Variants in AUTS2 observed in about 807,000 individuals in gnomAD.
AUTS2 encodes the protein autism susceptibility gene 2 protein.
A neutral mutation model predicts 112.4 loss-of-function variants in AUTS2; 17 were observed. The ratio of observed to expected loss-of-function variants is 0.15; its 90% CI spans 0.10 to 0.23. The LOEUF is 0.23. AUTS2 is among the 10% of genes least tolerant of loss of function. AUTS2 has a pLI of 1.00. For synonymous variants in AUTS2, 751 were observed against 702.7 expected, an observed-to-expected ratio of 1.07 and a Z score of -1.09; for missense variants, 1,510 against 1,701.6, an observed-to-expected ratio of 0.89 and a Z score of 1.98.
At chr7:70,740,011 A>G (rs1269083562) in intron 6 of AUTS2, among the ~76,000 whole-genome samples, 1 of 151,966 alleles carries the variant, frequency 6.6e-6, no homozygotes, top group East Asian at 1.9e-4. Flanking sequence ...GAGTTTGTTC[A>G]TCATCCTTTG....
intron 4 of AUTS2, among the ~76,000 whole-genome samples, chr7:70,272,062 G>A (rs1787719429): frequency 6.6e-6 from 1 of 152,116 alleles, no homozygotes; most frequent in South Asian, 2.1e-4. Flanking sequence ...TGAGGATGCC[G>A]GCTCAAAGAG....
chr7:69,719,814 A>G (rs1798821255), intron 1 of AUTS2, among the ~76,000 whole-genome samples: 1 of 152,140 alleles, frequency 6.6e-6, no homozygotes, highest in Admixed American at 6.6e-5. Context: ...GCTGTTAATC[A>G]TAGGGGGAAG....
At chr7:70,011,298 C>T (rs1424216630) in intron 2 of AUTS2, among the ~76,000 whole-genome samples, 1 of 150,156 alleles carries the variant, frequency 6.7e-6, no homozygotes, top group South Asian at 2.1e-4. Flanking sequence ...CTAGCCTCAC[C>T]TCTCCTCTCC....
At chr7:70,567,483 G>T (rs1405789020) in intron 5 of AUTS2, among the ~76,000 whole-genome samples, 4 of 152,134 alleles carry the variant, frequency 2.6e-5, no homozygotes, top group Non-Finnish European at 5.9e-5. Context: ...TGGGGGCCCT[G>T]CTTTTCTGAT....
intron 5 of AUTS2, among the ~76,000 whole-genome samples, chr7:70,693,449 G>A (rs1244949397): frequency 6.6e-6 from 1 of 152,214 alleles, no homozygotes; most frequent in Non-Finnish European, 1.5e-5. Context: ...GGTGTGAGGA[G>A]CTGGGAGGAG....
At chr7:70,444,797 C>A (rs1796257540) in intron 5 of AUTS2, among the ~76,000 whole-genome samples, 1 of 152,098 alleles carries the variant, frequency 6.6e-6, no homozygotes, top group African/African-American at 2.4e-5. Flanking sequence ...ACGGAGACAG[C>A]CGAATGGGGT....
chr7:70,777,099 C>G lies in AUTS2; in HGVS notation c.1933-4C>G, dbSNP rs1247480755. On this transcript the variant is annotated splice_polypyrimidine_tract_variant and splice_region_variant and intron_variant, in intron 13 of 18. Transcript: ENST00000342771. The stretch of plus-strand genomic sequence containing the variant: ...CCTAACCACGTTGCTCTTTCTTGTT[C>G]CAGAAACCAGGGAAGTGGTGTGCTA... The G allele has an allele frequency of 1.2e-6, 2 of 1,613,994 alleles. No individual in the cohort carries two copies.
intron 4 of AUTS2, among the ~76,000 whole-genome samples, chr7:70,186,761 G>A (rs973970601): frequency 6.6e-6 from 1 of 152,072 alleles, no homozygotes; most frequent in East Asian, 1.9e-4. Context: ...GTAGAGATGA[G>A]GTTTCACCTG....
chr7:69,756,588 T>C (rs1787954830), intron 1 of AUTS2, among the ~76,000 whole-genome samples: 1 of 76,746 alleles, frequency 1.3e-5, no homozygotes, highest in Non-Finnish European at 2.8e-5. Flanking sequence ...TTCTTTATTG[T>C]ATCTTTTTTT....
intron 6 of AUTS2, among the ~76,000 whole-genome samples, chr7:70,752,883 G>A (rs749880802): frequency 4.9e-4 from 74 of 152,144 alleles, no homozygotes; most frequent in Non-Finnish European, 1.0e-3. Context: ...AGTCCAGGTT[G>A]ACCCTAAAAG....
chr7:69,670,937 T>C (rs1385392031), intron 1 of AUTS2, among the ~76,000 whole-genome samples: 1 of 152,192 alleles, frequency 6.6e-6, no homozygotes, highest in Non-Finnish European at 1.5e-5. Context: ...GAGTTAGGAA[T>C]GTTTTGGCAT....
At chr7:70,644,899 C>T (rs1806067068) in intron 5 of AUTS2, among the ~76,000 whole-genome samples, 1 of 152,156 alleles carries the variant, frequency 6.6e-6, no homozygotes, top group African/African-American at 2.4e-5. Context: ...AGTGTTTCTC[C>T]TGCTCCTTGA....
At chr7:70,773,089 T>G (rs1790456270) in intron 11 of AUTS2, among the ~76,000 whole-genome samples, 1 of 152,252 alleles carries the variant, frequency 6.6e-6, no homozygotes, top group Non-Finnish European at 1.5e-5. Context: ...GTTCTTCATA[T>G]GTATGCAAAT....
chr7:70,404,043 A>G (rs1193423015), intron 4 of AUTS2, among the ~76,000 whole-genome samples: 1 of 152,222 alleles, frequency 6.6e-6, no homozygotes, highest in African/African-American at 2.4e-5. Context: ...TGTCTTCTGC[A>G]CACCTTATCC....
intron 3 of AUTS2, chr7:70,118,793 T>C (rs1805525351): frequency 6.6e-6 from 1 of 151,850 alleles, no homozygotes; most frequent in South Asian, 2.1e-4. Flanking sequence ...ATAAATAAAT[T>C]CCCGTTGGAT....
intron 1 of AUTS2, among the ~76,000 whole-genome samples, chr7:69,688,442 A>G (rs1390076203): frequency 6.6e-6 from 1 of 152,246 alleles, no homozygotes; most frequent in Admixed American, 6.5e-5. Context: ...GGCTGTGCAT[A>G]ACAATATATT....
chr7:69,731,144 T>A (rs1786774179), intron 1 of AUTS2, among the ~76,000 whole-genome samples: 1 of 152,104 alleles, frequency 6.6e-6, no homozygotes, highest in African/African-American at 2.4e-5. Flanking sequence ...ATACAAAAAT[T>A]AGCCAGGTGT....
chr7:70,057,161 A>G (rs1802031083), intron 2 of AUTS2, among the ~76,000 whole-genome samples: 1 of 152,152 alleles, frequency 6.6e-6, no homozygotes, highest in East Asian at 1.9e-4. Context: ...AAATCTGCTC[A>G]TCTACCATAG....
chr7:70,018,545 C>T (rs1035155068), intron 2 of AUTS2, among the ~76,000 whole-genome samples: 2 of 152,200 alleles, frequency 1.3e-5, no homozygotes, highest in Non-Finnish European at 2.9e-5. Context: ...GTTTAACACT[C>T]TTCTCTATGA....
Sources: gnomAD v4.1 joint callset for allele counts (sites outside exome capture counted in the v4.1 genomes callset) on GRCh38, gnomAD v4.1.1 for gene constraint, MANE v1.5 for transcripts, NCBI Gene and HGNC (gene_info 2026-07-23, HGNC 2026-07-21) for gene names.